The following LANCL1 variants were observed in gnomAD, a reference collection of about 807,000 sequenced individuals.
LANCL1 encodes the protein LanC like glutathione S-transferase 1.
LANCL1 carries 50 observed loss-of-function variants against 50.6 expected under a neutral mutation model. The ratio of observed to expected loss-of-function variants is 0.99; its 90% CI spans 0.79 to 1.25. LANCL1 has a LOEUF of 1.25. Ranked by LOEUF, LANCL1 falls within the 50% of genes most tolerant of loss-of-function variation. The probability of loss-of-function intolerance (pLI) is 0.00; values close to 1 mark genes in which losing one functional copy is unlikely to be tolerated. For missense variants in LANCL1, 532 were observed against 480.7 expected, an observed-to-expected ratio of 1.11 and a Z score of -1.00; for synonymous variants, 188 against 178.6, an observed-to-expected ratio of 1.05 and a Z score of -0.42.
Position 210,476,321 on chromosome 2 carries a change from C to A in LANCL1, c.76G>T (p.Gly26Trp), listed in dbSNP as rs766259630. 1.4e-5 allele frequency: 23 copies of A among 1,612,646 alleles called. No individual in the cohort carries two copies. Among genetic ancestry groups the A allele is most frequent in the Non-Finnish European group, 1.6e-5 (19 of 1,178,814 alleles). ...SLAEGYFDAA[G>W]RLTPEFSQRL... is the part of the protein sequence containing the mutation. ...CAGACATATCCTAAACTCACCCTCC[C>A]GGCAGCATCAAAGTAGCCTTCGGCC... The change falls in exon 2 of 10, where the codon GGG becomes TGG. Residue 26 changes from glycine to tryptophan, a missense_variant. Gly to Trp is a radical substitution (Grantham distance 184). Transcript: ENST00000450366.
At chr2:210,446,348 A>G (rs1693328626) in intron 4 of LANCL1, among the ~76,000 whole-genome samples, 1 of 152,164 alleles carries the variant, frequency 6.6e-6, no homozygotes, top group African/African-American at 2.4e-5. Flanking sequence ...ACCCCATCTG[A>G]AGGTCACCAA....
At position 210,472,003 on chromosome 2, in the gene LANCL1, T is replaced by C. The variant is rs1694240250; in HGVS notation, c.155A>G (p.Lys52Arg). ...ELLQQMERGL[K>R]SADPRDGTGY... ...GGTGCCATCCCGAGGGTCTGCTGATTTCAGGCCTCTCTCCATTTGCTGAAG... is the reference window on the plus strand; with the variant it reads ...GGTGCCATCCCGAGGGTCTGCTGATCTCAGGCCTCTCTCCATTTGCTGAAG... The change falls in exon 3 of 10, where the codon AAA becomes AGA. Residue 52 changes from lysine to arginine, a missense_variant. Coordinates refer to ENST00000450366, the MANE Select transcript of LANCL1 (RefSeq NM_006055.3). 7.4e-6 allele frequency: 12 copies of C among 1,614,208 alleles called. No homozygotes were observed. The highest frequency in any genetic ancestry group is 1.0e-5 in the Non-Finnish European group (12 of 1,180,026).
At chr2:210,476,450 A>T (rs1189559234) in intron 1 of LANCL1, 38 bp from the exon 2 acceptor site, 3 of 1,574,312 alleles carry the variant, frequency 1.9e-6, no homozygotes, top group African/African-American at 2.8e-5. Context: ...AGGTTGAGAT[A>T]GGGGCCTCGG....
intron 6 of LANCL1, 120 bp downstream of exon 6, chr2:210,440,478 A>G (rs759904229): frequency 2.2e-4 from 196 of 888,396 alleles, no homozygotes; most frequent in Non-Finnish European, 3.1e-4. Context: ...TTACAAGGAG[A>G]GTACTGTAAT....
At chr2:210,466,907 C>T (rs918298156) in intron 3 of LANCL1, among the ~76,000 whole-genome samples, 1 of 151,752 alleles carries the variant, frequency 6.6e-6, no homozygotes, top group Non-Finnish European at 1.5e-5. Flanking sequence ...TTCACAGGCA[C>T]CAATCAAGGA....
chr2:210,470,134 TTAAA>T (rs1199022373), intron 3 of LANCL1, among the ~76,000 whole-genome samples: 2 of 152,176 alleles, frequency 1.3e-5, no homozygotes, highest in Admixed American at 6.5e-5. Context: ...CACGATAATT[TTAAA>T]TAAATAGTAA....
intron 4 of LANCL1, among the ~76,000 whole-genome samples, chr2:210,442,296 G>C (rs1294487336): frequency 2.0e-5 from 3 of 152,006 alleles, no homozygotes; most frequent in African/African-American, 7.3e-5. Flanking sequence ...AAATCACCAT[G>C]GTTACCATTT....
In LANCL1 at chr2:210,436,256, T is replaced by C; in HGVS notation, c.1010A>G (p.Asn337Ser). ...GNAYAFLTLYNLTQDMKYLYR... is the reference protein window; with the variant it reads ...GNAYAFLTLYSLTQDMKYLYR... ...CAGGTACTTCATGTCCTGTGTGAGGTTGTAGAGTGTCAGGAAGGCATAGGC... is the reference window on the plus strand; with the variant it reads ...CAGGTACTTCATGTCCTGTGTGAGGCTGTAGAGTGTCAGGAAGGCATAGGC... Residue 337 changes from asparagine (N) to serine (S), a missense_variant, in exon 8 of 10, where the codon AAC becomes AGC. By Grantham distance (46) the Asn-to-Ser change is conservative. Coordinates refer to ENST00000450366, the MANE Select transcript of LANCL1 (RefSeq NM_006055.3). 18 of 1,613,788 alleles carry C rather than the reference T, an allele frequency of 1.1e-5. No homozygotes were observed. The highest frequency in any genetic ancestry group is 1.5e-5 in the Non-Finnish European group (18 of 1,179,918).
intron 6 of LANCL1, among the ~76,000 whole-genome samples, chr2:210,439,799 A>C (rs900009258): frequency 6.6e-6 from 1 of 152,204 alleles, no homozygotes; most frequent in Non-Finnish European, 1.5e-5. Context: ...TGTATATCCA[A>C]GCACTCCTGC....
At position 210,434,554 on chromosome 2, in the gene LANCL1, C is replaced by T; in HGVS notation, c.1133G>A (p.Gly378Glu). ...TPFSLFEGMAGTIYFLADLLV... is the reference protein window; with the variant it reads ...TPFSLFEGMAETIYFLADLLV... ...CAGGTCAGCCAGGAAATATATTGTT[C>T]CAGCCATTCCTGAAGAAAGAGAAAG... Residue 378 changes from glycine to glutamate, a missense_variant, in exon 10 of 10, where the codon GGA becomes GAA. By Grantham distance (98) the Gly-to-Glu change is moderately conservative. Coordinates refer to ENST00000450366, the MANE Select transcript of LANCL1 (RefSeq NM_006055.3). 3.1e-6 allele frequency: 5 copies of T among 1,613,024 alleles called. No individual in the cohort carries two copies. The highest frequency in any genetic ancestry group is 4.2e-6 in the Non-Finnish European group (5 of 1,179,422).
chr2:210,466,764 G>A (rs902503928), intron 3 of LANCL1, among the ~76,000 whole-genome samples: 1 of 152,300 alleles, frequency 6.6e-6, no homozygotes, highest in African/African-American at 2.4e-5. Context: ...ACCAGATAGA[G>A]AGAACATCAT....
At chr2:210,442,668 G>C (rs193027068) in intron 4 of LANCL1, 2 of 152,312 alleles carry the variant, frequency 1.3e-5, no homozygotes, top group Admixed American at 1.3e-4. Flanking sequence ...AAGGGGAAGA[G>C]GACAGGAATC....
intron 4 of LANCL1, among the ~76,000 whole-genome samples, chr2:210,452,949 C>T (rs1033026525): frequency 6.6e-6 from 1 of 151,994 alleles, no homozygotes. Flanking sequence ...TACTAAATAA[C>T]TTATATTAAA....
intron 3 of LANCL1, chr2:210,469,238 T>C (rs530437547): frequency 6.6e-6 from 1 of 152,324 alleles, no homozygotes; most frequent in East Asian, 1.9e-4. Flanking sequence ...AAACGGCAGT[T>C]ATGAATAAGT....
chr2:210,462,152 C>T lies in LANCL1; in HGVS notation c.200-6838G>A, dbSNP rs1222257525. 7.9e-5 allele frequency among the ~76,000 whole-genome samples: 12 copies of T among 152,090 alleles called. No individual in the cohort carries two copies. The East Asian group carries it at 1.9e-3, about 24-fold the overall frequency. ...TGAGACCCCAGTGATCTCTGGACAC[C>T]ACTGGGAACCACTCAGTAGCTGACC... On this transcript the variant is annotated intron_variant, in intron 3 of 9. Transcript: ENST00000450366.
At chr2:210,474,902 C>A (rs1222932926) in intron 2 of LANCL1, among the ~76,000 whole-genome samples, 1 of 152,144 alleles carries the variant, frequency 6.6e-6, no homozygotes, top group Non-Finnish European at 1.5e-5. Context: ...TCCCGCAAGA[C>A]AAGACACATA....
In LANCL1 at chr2:210,456,330, T is replaced by G. The variant is rs576445409; in HGVS notation, c.200-1016A>C. ...TAAAAATGCTGTCTGCAAAATTACT[T>G]TCCCTGTACTGAGGACAATTTTAAA... On this transcript the variant is annotated intron_variant, in intron 3 of 9. Coordinates refer to ENST00000450366, the MANE Select transcript of LANCL1 (RefSeq NM_006055.3). Among the ~76,000 whole-genome samples, 4 of 152,340 alleles carry G rather than the reference T, an allele frequency of 2.6e-5. No individual in the cohort carries two copies. In the South Asian group the frequency reaches 8.3e-4, roughly 32 times the overall value.
upstream of LANCL1, chr2:210,476,890 G>C: frequency 1.2e-6 from 1 of 817,722 alleles, no homozygotes; most frequent in Non-Finnish European, 1.5e-6. Context: ...TTAATTACTG[G>C]GTAGCAGAAG....
chr2:210,463,533 A>C lies in LANCL1; in HGVS notation c.200-8219T>G, dbSNP rs542053815. 7.9e-5 allele frequency among the ~76,000 whole-genome samples: 12 copies of C among 152,330 alleles called. 1 individual carries two copies. The South Asian group carries it at 2.1e-3, about 26-fold the overall frequency. ...ATTTTATCACCACGAAGAGTGTTTT[A>C]ATCTTACTCCTGTCCTCCAACAGTC... On this transcript the variant is annotated intron_variant, in intron 3 of 9. Coordinates refer to ENST00000450366, the MANE Select transcript of LANCL1 (RefSeq NM_006055.3).
Sources: allele counts gnomAD v4.1 joint callset (sites outside exome capture counted in the v4.1 genomes callset), GRCh38; gene constraint gnomAD v4.1.1; transcripts MANE v1.5; gene names NCBI Gene and HGNC (gene_info 2026-07-23, HGNC 2026-07-21).